Variants in MSH4 observed in about 807,000 individuals in gnomAD.
The protein encoded by MSH4 is mutS protein homolog 4.
Under a neutral mutation model 113.7 loss-of-function variants are expected in MSH4, and 106 were observed. The ratio of observed to expected loss-of-function variants is 0.93; its 90% CI spans 0.80 to 1.10. The LOEUF is 1.10. Among genes scored for constraint, MSH4 ranks in the 50% least tolerant of loss-of-function variants. The pLI is 0.00. For missense variants in MSH4, 1,061 were observed against 1,093.7 expected (o/e 0.97, Z 0.42); for synonymous variants, 368 against 380.2 (o/e 0.97, Z 0.37).
chr1:75,848,308 AT>A (rs767192418), intron 8 of MSH4, 32 bp downstream of exon 8: 18 of 1,357,670 alleles, frequency 1.3e-5, no homozygotes, highest in Non-Finnish European at 6.2e-6. Context: ...GTATTATATT[AT>A]TATACATTAT....
chr1:75,851,205 T>C (rs1245576012), intron 8 of MSH4, among the ~76,000 whole-genome samples: 1 of 116,416 alleles, frequency 8.6e-6, no homozygotes, highest in Non-Finnish European at 1.7e-5. Flanking sequence ...TATGTTTTTA[T>C]TTAAATCTGC....
intron 9 of MSH4, among the ~76,000 whole-genome samples, chr1:75,869,258 G>A (rs1162980544): frequency 3.5e-4 from 54 of 152,300 alleles, no homozygotes; most frequent in Non-Finnish European, 2.9e-5. Flanking sequence ...GAACTTGAGA[G>A]AGAGGGTATC....
At chr1:75,847,798 G>T (rs936602726) in intron 7 of MSH4, among the ~76,000 whole-genome samples, 1 of 152,188 alleles carries the variant, frequency 6.6e-6, no homozygotes, top group Non-Finnish European at 1.5e-5. Flanking sequence ...GTTTTATTAA[G>T]GGGTTAACTC....
chr1:75,876,079 A>G (rs1347325820), intron 9 of MSH4, among the ~76,000 whole-genome samples: 1 of 152,156 alleles, frequency 6.6e-6, no homozygotes, highest in Non-Finnish European at 1.5e-5. Context: ...CTCAGGTTTA[A>G]TCTCCAGGAT....
chr1:75,878,912 C>A, intron 11 of MSH4, 80 bp from the exon 12 acceptor site: 1 of 1,193,654 alleles, frequency 8.4e-7, no homozygotes, highest in Non-Finnish European at 1.2e-6. Flanking sequence ...AACCATGTGA[C>A]TCTTTAAAAC....
Position 75,796,924 on chromosome 1 carries a change from T to G in MSH4, c.-62T>G, listed in dbSNP as rs1570934384. On this transcript the variant is annotated 5_prime_UTR_variant, in exon 1 of 20. Transcript: ENST00000263187. ...GTTTCAGCGGCGCAGCTTCTGTAGT[T>G]GGGCTACTGGAGGGGTCGCTCAGAA... The G allele has an allele frequency of 6.3e-7, 1 of 1,599,050 alleles. No homozygotes were observed. The highest frequency in any genetic ancestry group is 1.7e-5 in the Admixed American group (1 of 58,812).
chr1:75,807,710 T>A (rs928998456), intron 3 of MSH4, among the ~76,000 whole-genome samples: 1 of 152,166 alleles, frequency 6.6e-6, no homozygotes, highest in Admixed American at 6.5e-5. Flanking sequence ...GGGATAGACT[T>A]GTGGATTTAA....
chr1:75,829,898 G>A (rs764306188), intron 7 of MSH4, among the ~76,000 whole-genome samples: 4 of 152,244 alleles, frequency 2.6e-5, no homozygotes, highest in Admixed American at 6.5e-5. Context: ...CCAAAGGAAC[G>A]CAGCTCCTTG....
chr1:75,899,679 C>T lies in MSH4; in HGVS notation c.2592C>T (p.Ile864=), dbSNP rs1411827784. The change falls in exon 19 of 20, where the codon ATC becomes ATT. Residue 864 remains isoleucine, a synonymous_variant. Coordinates refer to ENST00000263187, the MANE Select transcript of MSH4 (RefSeq NM_002440.4). ...PPSIVLDAKE[I]TTQITRQILQ... ...CAATTGTCTTGGATGCCAAGGAAAT[C>T]ACAACTCAAATTACGAGACAAATTT... 1.3e-6 allele frequency: 2 copies of T among 1,508,894 alleles called. No homozygotes were observed. The highest frequency in any genetic ancestry group is 1.8e-6 in the Non-Finnish European group (2 of 1,136,532). 93.5% of individuals were successfully genotyped at this position (1,508,894 alleles called of 1,614,324 possible).
Position 75,876,939 on chromosome 1 carries a change from G to A in MSH4, c.1309G>A (p.Ala437Thr). The A allele has an allele frequency of 1.3e-6, 2 of 1,524,300 alleles. No individual in the cohort carries two copies. The highest frequency in any genetic ancestry group is 1.8e-6 in the Non-Finnish European group (2 of 1,129,704). 94.4% of individuals were successfully genotyped at this position (1,524,300 alleles called of 1,614,324 possible). A position where few individuals can be genotyped will look rare whatever the true frequency, so the allele number is the denominator to read the frequency against. ...TTTTTATTTTATTCTTTAATAGATT[G>A]CTATGAAGAACTGTAACACACCTTT... ...TLELVDPLKI[A>T]MKNCNTPLLR... is the part of the protein sequence containing the mutation. The change falls in exon 10 of 20, where the codon GCT (alanine) becomes ACT (threonine). Residue 437 changes from alanine to threonine, a missense_variant. By Grantham distance (58) the Ala-to-Thr change is moderately conservative. Transcript: ENST00000263187.
intron 19 of MSH4, among the ~76,000 whole-genome samples, chr1:75,906,784 C>CT (rs906787968): frequency 2.7e-5 from 4 of 148,400 alleles, no homozygotes; most frequent in Non-Finnish European, 5.9e-5. Context: ...CTTATATTGT[C>CT]TATTTCTTTA....
chr1:75,890,901 A>C (rs1652237667), intron 17 of MSH4, 77 bp downstream of exon 17: 1 of 1,228,916 alleles, frequency 8.1e-7, no homozygotes, highest in African/African-American at 1.6e-5. Context: ...TTTTATGGAC[A>C]CCCACAAATA....
At chr1:75,875,673 G>T (rs916198383) in intron 9 of MSH4, among the ~76,000 whole-genome samples, 1 of 152,040 alleles carries the variant, frequency 6.6e-6, no homozygotes, top group Non-Finnish European at 1.5e-5. Context: ...TCAAAATATA[G>T]CATTATAGGT....
At position 75,889,363 on chromosome 1, in the gene MSH4, G is replaced by A; in HGVS notation, c.2220G>A (p.Met740Ile). Residue 740 changes from methionine to isoleucine, a missense_variant, in exon 16 of 20, where the codon ATG (methionine) becomes ATA (isoleucine). By Grantham distance (10) the Met-to-Ile change is conservative (BLOSUM62 1). Coordinates refer to ENST00000263187, the MANE Select transcript of MSH4 (RefSeq NM_002440.4). The stretch of plus-strand genomic sequence containing the variant: ...ATTCATCAACATTTATGAAAGAAAT[G>A]AAAGAGGTACCCAAACAAAACTTTT... ...ETNSSTFMKE[M>I]KEIAYILHNA... The A allele has an allele frequency of 2.1e-6, 3 of 1,409,362 alleles. No homozygotes were observed. The highest frequency in any genetic ancestry group is 2.9e-6 in the Non-Finnish European group (3 of 1,019,340). 87.3% of individuals were successfully genotyped at this position (1,409,362 alleles called of 1,614,324 possible).
At chr1:75,858,368 T>A (rs2100553934) in intron 8 of MSH4, among the ~76,000 whole-genome samples, 1 of 152,298 alleles carries the variant, frequency 6.6e-6, no homozygotes, top group South Asian at 2.1e-4. Flanking sequence ...ATGCTTCCAG[T>A]TTTTGCCCAT....
intron 7 of MSH4, among the ~76,000 whole-genome samples, chr1:75,842,241 G>A (rs1650973957): frequency 6.6e-6 from 1 of 152,094 alleles, no homozygotes; most frequent in Non-Finnish European, 1.5e-5. Flanking sequence ...AGGATTATGG[G>A]GACCAAGTTT....
chr1:75,801,871 A>G (rs748379693), intron 1 of MSH4, among the ~76,000 whole-genome samples: 23 of 152,022 alleles, frequency 1.5e-4, no homozygotes, highest in Non-Finnish European at 2.9e-4. Flanking sequence ...CCTTGTCTTT[A>G]TAAGACAGTA....
At chr1:75,868,814 C>T (rs1651647098) in intron 9 of MSH4, among the ~76,000 whole-genome samples, 1 of 152,208 alleles carries the variant, frequency 6.6e-6, no homozygotes, top group African/African-American at 2.4e-5. Context: ...TACCTTCTGC[C>T]ATGATTGTGA....
In MSH4 at chr1:75,878,369, A is replaced by G. The variant is rs779640715; in HGVS notation, c.1540+51A>G. 6.3e-6 allele frequency: 9 copies of G among 1,419,952 alleles called. No individual in the cohort carries two copies. The East Asian group carries it at 2.2e-4, about 35-fold the overall frequency. 88.0% of individuals were successfully genotyped at this position (1,419,952 alleles called of 1,614,324 possible). ...TTTGTAGGGATAAAACAGCCTTTTC[A>G]GGACATGCTGTCCTTTTTTGCTGCT... On this transcript the variant is annotated intron_variant, in intron 11 of 19. Transcript: ENST00000263187.
Sources: gnomAD v4.1 joint callset for allele counts (sites outside exome capture counted in the v4.1 genomes callset) on GRCh38, gnomAD v4.1.1 for gene constraint, MANE v1.5 for transcripts, NCBI Gene and HGNC (gene_info 2026-07-23, HGNC 2026-07-21) for gene names.